Variants in CCPG1 observed in about 807,000 individuals in gnomAD.
CCPG1 encodes the protein cell cycle progression 1, also known as cell cycle progression protein 1.
In CCPG1, 46 loss-of-function variants were observed where a neutral mutation model predicts 81.3. The observed-to-expected ratio is 0.57, with a 90% CI of 0.45 to 0.72. CCPG1 has a LOEUF of 0.72. CCPG1 is among the 30% of genes least tolerant of loss of function. The probability of loss-of-function intolerance (pLI) is 0.00; values close to 1 mark genes in which losing one functional copy is unlikely to be tolerated. For synonymous variants in CCPG1, 330 were observed against 305.2 expected (o/e 1.08, Z -0.85); for missense variants, 902 against 937.6 (o/e 0.96, Z 0.50).
intron 1 of CCPG1, among the ~76,000 whole-genome samples, chr15:55,407,533 A>C (rs987927777): frequency 2.6e-5 from 4 of 152,224 alleles, no homozygotes; most frequent in Non-Finnish European, 5.9e-5. Flanking sequence ...AGAACAGTGC[A>C]AACTTCACCA....
At chr15:55,366,589 T>C (rs554869155) in intron 6 of CCPG1, among the ~76,000 whole-genome samples, 281 of 152,120 alleles carry the variant, frequency 1.8e-3, no homozygotes, top group Non-Finnish European at 1.3e-3. Context: ...CTGACCAACA[T>C]GGAGAAACCC....
intron 5 of CCPG1, chr15:55,374,171 G>C (rs2056510746): frequency 1.1e-5 from 14 of 1,288,910 alleles, no homozygotes; most frequent in Non-Finnish European, 1.3e-5. Context: ...AAGCGAGTTG[G>C]CTAGGAACAT....
At chr15:55,406,046 G>A (rs2057212203) in intron 1 of CCPG1, among the ~76,000 whole-genome samples, 1 of 152,170 alleles carries the variant, frequency 6.6e-6, no homozygotes, top group African/African-American at 2.4e-5. Flanking sequence ...TGTATTTTTA[G>A]TAGAGACGGG....
intron 3 of CCPG1, 107 bp downstream of exon 3, chr15:55,385,493 A>T (rs1180028737): frequency 4.5e-5 from 26 of 581,090 alleles, no homozygotes; most frequent in Non-Finnish European, 1.5e-5. Context: ...TCCTCCAACG[A>T]CCCCTTAGAT....
At chr15:55,396,679 G>C (rs1427822123) in intron 1 of CCPG1, among the ~76,000 whole-genome samples, 2 of 152,196 alleles carry the variant, frequency 1.3e-5, no homozygotes, top group Non-Finnish European at 2.9e-5. Flanking sequence ...TTCTGGGATA[G>C]ATTTATGCTG....
Position 55,355,494 on chromosome 15 carries a change from G to C in CCPG1, c.*726C>G. On this transcript the variant is annotated 3_prime_UTR_variant, in exon 9 of 9. Transcript: ENST00000442196. The stretch of plus-strand genomic sequence containing the variant: ...ATTCAGATGCTGCTTAAATACTTCG[G>C]TAAACACTGGGTAAGATTCATGGAA... 1 of 1,327,940 alleles carries C rather than the reference G, an allele frequency of 7.5e-7. No individual in the cohort carries two copies. The highest frequency in any genetic ancestry group is 2.3e-5 in the East Asian group (1 of 42,622). The allele number at this position is 1,327,940 out of a possible 1,614,324, so 82.3% of individuals were successfully genotyped here. A position where few individuals can be genotyped will look rare whatever the true frequency, so the allele number is the denominator to read the frequency against.
chr15:55,374,313 A>G, intron 5 of CCPG1: 2 of 806,732 alleles, frequency 2.5e-6, no homozygotes, highest in Non-Finnish European at 3.5e-6. Context: ...AAAAAGAAAA[A>G]AAAGAATTAA....
intron 6 of CCPG1, among the ~76,000 whole-genome samples, chr15:55,370,212 A>G (rs1163516354): frequency 6.6e-6 from 1 of 152,254 alleles, no homozygotes; most frequent in Non-Finnish European, 1.5e-5. Context: ...GCTATGTTGA[A>G]TAATATACCT....
In CCPG1 at chr15:55,365,194, A is replaced by G; in HGVS notation, c.822T>C (p.Asp274=). 6.9e-7 allele frequency: 1 copy of G among 1,452,828 alleles called. No individual in the cohort carries two copies. 90.0% of individuals were successfully genotyped at this position (1,452,828 alleles called of 1,614,324 possible). A position where few individuals can be genotyped will look rare whatever the true frequency, so the allele number is the denominator to read the frequency against. Residue 274 remains aspartate, a synonymous_variant, in exon 7 of 9, where the codon GAT becomes GAC. Coordinates refer to ENST00000442196, the MANE Select transcript of CCPG1 (RefSeq NM_001204450.2). The part of the protein sequence containing the change: ...QCQQEQESFI[D]YKSLKENLAR... ...TACTGTTAGTGGTACATACCTTATA[A>G]TCTATAAAAGATTCTTGTTCCTGTT... is the stretch of plus-strand genomic sequence containing the variant.
At chr15:55,396,882 C>T (rs764382900) in intron 1 of CCPG1, among the ~76,000 whole-genome samples, 3 of 152,030 alleles carry the variant, frequency 2.0e-5, no homozygotes, top group Non-Finnish European at 4.4e-5. Flanking sequence ...CTGTGTGGAT[C>T]GCCTAGCAGG....
chr15:55,388,942 C>T (rs924237558), intron 2 of CCPG1, among the ~76,000 whole-genome samples: 11 of 151,078 alleles, frequency 7.3e-5, no homozygotes, highest in Admixed American at 6.0e-4. Context: ...GTAGCAGGCA[C>T]CTGTAATTCC....
chr15:55,358,323 TGG>T, intron 8 of CCPG1: 6 of 955,950 alleles, frequency 6.3e-6, no homozygotes, highest in Non-Finnish European at 7.5e-6. Context: ...CAGCATCCAC[TGG>T]GGGTCTTGGA....
chr15:55,398,286 C>T (rs2057060728), intron 1 of CCPG1: 1 of 152,032 alleles, frequency 6.6e-6, no homozygotes. Flanking sequence ...GTGAGGTTTC[C>T]ATTACCATTA....
intron 1 of CCPG1, among the ~76,000 whole-genome samples, chr15:55,406,355 G>A (rs1427876816): frequency 6.7e-6 from 1 of 150,234 alleles, no homozygotes; most frequent in Admixed American, 6.6e-5. Context: ...ATACAGGAAA[G>A]TACAAGAAAA....
intron 1 of CCPG1, among the ~76,000 whole-genome samples, chr15:55,394,570 A>G (rs1682552255): frequency 6.6e-6 from 1 of 152,110 alleles, no homozygotes; most frequent in Admixed American, 6.6e-5. Context: ...CCATACTTGA[A>G]TTTCTCAAAT....
chr15:55,372,609 A>T (rs1595834911), intron 5 of CCPG1: 2 of 207,576 alleles, frequency 9.6e-6, no homozygotes, highest in East Asian at 1.4e-4. Flanking sequence ...CAGTGAGCTG[A>T]GATCCTGCCA....
chr15:55,382,611 G>A (rs552580057), intron 3 of CCPG1, among the ~76,000 whole-genome samples: 1 of 150,916 alleles, frequency 6.6e-6, no homozygotes, highest in Non-Finnish European at 1.5e-5. Flanking sequence ...CCAGGTTCAC[G>A]CCATTCTCCT....
At chr15:55,406,764 T>A (rs2057232981) in intron 1 of CCPG1, among the ~76,000 whole-genome samples, 1 of 152,140 alleles carries the variant, frequency 6.6e-6, no homozygotes, top group South Asian at 2.1e-4. Flanking sequence ...GAAGTTATGT[T>A]CACTTTTTGT....
At chr15:55,371,338 A>G (rs2056445713) in intron 6 of CCPG1, among the ~76,000 whole-genome samples, 2 of 152,256 alleles carry the variant, frequency 1.3e-5, no homozygotes, top group South Asian at 4.1e-4. Flanking sequence ...TGAAAGTTAC[A>G]AAGTATGATA....
Sources: allele counts gnomAD v4.1 joint callset (sites outside exome capture counted in the v4.1 genomes callset), GRCh38; gene constraint gnomAD v4.1.1; transcripts MANE v1.5; gene names NCBI Gene and HGNC (gene_info 2026-07-23, HGNC 2026-07-21).